The following CCSER1 variants were observed in gnomAD, a reference collection of about 807,000 sequenced individuals.
CCSER1 encodes the protein serine-rich coiled-coil domain-containing protein 1.
A neutral mutation model predicts 82.0 loss-of-function variants in CCSER1; 41 were observed. That is an observed-to-expected ratio of 0.50 (90% CI 0.39 to 0.65). CCSER1 has a LOEUF of 0.65. Ranked by LOEUF, CCSER1 falls within the 30% of genes least tolerant of loss-of-function variation. CCSER1 has a pLI of 0.00. For synonymous variants in CCSER1, 414 were observed against 383.9 expected, an observed-to-expected ratio of 1.08 and a Z score of -0.92; for missense variants, 1,119 against 1,064.2, an observed-to-expected ratio of 1.05 and a Z score of -0.72.
chr4:90,152,397 G>C (rs1052286795), intron 1 of CCSER1, among the ~76,000 whole-genome samples: 1 of 152,154 alleles, frequency 6.6e-6, no homozygotes, highest in Non-Finnish European at 1.5e-5. Context: ...GCCTAAGTGA[G>C]CCAAGGTTCA....
intron 10 of CCSER1, among the ~76,000 whole-genome samples, chr4:91,179,222 G>T (rs1581719415): frequency 1.3e-5 from 2 of 152,226 alleles, no homozygotes; most frequent in Admixed American, 1.3e-4. Context: ...TTTCTGTCTG[G>T]CTGCCCTTAA....
chr4:91,587,975 GAAGTT>G (rs141527578), intron 10 of CCSER1, among the ~76,000 whole-genome samples: 15,206 of 151,262 alleles, frequency 0.1, 769 homozygotes, highest in Middle Eastern at 0.16. Flanking sequence ...CAGTGAGCAA[GAAGTT>G]AAGATATTAA....
chr4:91,555,301 C>T (rs2110235919), intron 10 of CCSER1, among the ~76,000 whole-genome samples: 1 of 151,128 alleles, frequency 6.6e-6, no homozygotes, highest in South Asian at 2.1e-4. Context: ...TTTATTACTG[C>T]AGTTCAAAAA....
chr4:90,896,033 A>G (rs1309877962), intron 8 of CCSER1, among the ~76,000 whole-genome samples: 1 of 151,946 alleles, frequency 6.6e-6, no homozygotes, highest in Non-Finnish European at 1.5e-5. Context: ...GAAGGGCTAT[A>G]CTAAACACTG....
Position 90,411,241 on chromosome 4 carries a change from A to G in CCSER1, c.1603+11112A>G, listed in dbSNP as rs202129714. 2.9e-3 allele frequency among the ~76,000 whole-genome samples: 436 copies of G among 152,298 alleles called. 10 individuals carry two copies. The East Asian group carries it at 0.046, about 16-fold the overall frequency. The stretch of plus-strand genomic sequence containing the variant: ...TCCTTCTGAAACTATTCCAATCAAT[A>G]GAAAAAGAGGGAATCCTCCCTAACT... On this transcript the variant is annotated intron_variant, in intron 4 of 10. Coordinates refer to ENST00000509176, the MANE Select transcript of CCSER1 (RefSeq NM_001145065.2).
At chr4:90,346,916 A>G (rs1005419215) in intron 3 of CCSER1, among the ~76,000 whole-genome samples, 84 of 152,120 alleles carry the variant, frequency 5.5e-4, no homozygotes, top group Non-Finnish European at 2.8e-4. Context: ...ACAGTAGACA[A>G]CATATTTACT....
chr4:90,539,478 C>T lies in CCSER1; in HGVS notation c.1724+71124C>T, dbSNP rs573979986. ...TACCCTGTTGTAAGCTCTCATAAGACCAAATACTGCTCATTTTTAGCTCTT... is the reference window on the plus strand; with the variant it reads ...TACCCTGTTGTAAGCTCTCATAAGATCAAATACTGCTCATTTTTAGCTCTT... On this transcript the variant is annotated intron_variant, in intron 5 of 10. Coordinates refer to ENST00000509176, the MANE Select transcript of CCSER1 (RefSeq NM_001145065.2). Among the ~76,000 whole-genome samples, 11 of 152,098 alleles carry T rather than the reference C, an allele frequency of 7.2e-5. No homozygotes were observed. The South Asian group carries it at 8.3e-4, about 11-fold the overall frequency.
At chr4:90,274,190 T>C (rs1477469396) in intron 1 of CCSER1, among the ~76,000 whole-genome samples, 1 of 152,136 alleles carries the variant, frequency 6.6e-6, no homozygotes, top group African/African-American at 2.4e-5. Context: ...AGAATTTGTC[T>C]TGGGGTAGAG....
intron 10 of CCSER1, among the ~76,000 whole-genome samples, chr4:91,416,712 A>G (rs539600120): frequency 6.6e-6 from 1 of 152,312 alleles, no homozygotes; most frequent in African/African-American, 2.4e-5. Context: ...CTCAAAATGG[A>G]GTAAAGACTT....
At chr4:90,749,696 G>A (rs1387143461) in intron 7 of CCSER1, among the ~76,000 whole-genome samples, 1 of 152,022 alleles carries the variant, frequency 6.6e-6, no homozygotes, top group East Asian at 1.9e-4. Flanking sequence ...TATCATTGTT[G>A]GACATTTGGG....
At chr4:91,109,906 T>C (rs1725946881) in intron 10 of CCSER1, among the ~76,000 whole-genome samples, 1 of 152,148 alleles carries the variant, frequency 6.6e-6, no homozygotes, top group South Asian at 2.1e-4. Context: ...CAAAGACATC[T>C]ATGACACAAA....
chr4:90,409,524 C>G (rs1754333604), intron 4 of CCSER1, among the ~76,000 whole-genome samples: 1 of 152,120 alleles, frequency 6.6e-6, no homozygotes, highest in Non-Finnish European at 1.5e-5. Flanking sequence ...AATATCCAGC[C>G]AAACTAAGCT....
In CCSER1 at chr4:91,416,352, C is replaced by A. The variant is rs192542834; in HGVS notation, c.2218-182220C>A. Among the ~76,000 whole-genome samples, 22 of 151,882 alleles carry A rather than the reference C, an allele frequency of 1.4e-4. No homozygotes were observed. The East Asian group carries it at 4.3e-3, about 29-fold the overall frequency. On this transcript the variant is annotated intron_variant, in intron 10 of 10. Coordinates refer to ENST00000509176, the MANE Select transcript of CCSER1 (RefSeq NM_001145065.2). ...TCTTCACAGAATTAGAAAAAAAAAA[C>A]TATTTTAAAAATCAGATGGAACCAA...
chr4:91,137,044 G>T (rs1184779137), intron 10 of CCSER1, among the ~76,000 whole-genome samples: 1 of 149,358 alleles, frequency 6.7e-6, no homozygotes, highest in African/African-American at 2.5e-5. Flanking sequence ...AAGTTTTAGG[G>T]TACATGTGCA....
intron 9 of CCSER1, among the ~76,000 whole-genome samples, chr4:91,039,633 G>A (rs953065849): frequency 6.6e-6 from 1 of 151,944 alleles, no homozygotes; most frequent in African/African-American, 2.4e-5. Flanking sequence ...AAAAATGTAT[G>A]TGTGTTTATA....
intron 10 of CCSER1, among the ~76,000 whole-genome samples, chr4:91,486,271 G>T (rs1758212549): frequency 6.6e-6 from 1 of 151,926 alleles, no homozygotes; most frequent in Non-Finnish European, 1.5e-5. Flanking sequence ...CAGCTAGAAA[G>T]AGGGCATAAT....
intron 1 of CCSER1, among the ~76,000 whole-genome samples, chr4:90,165,497 A>G (rs1175698033): frequency 6.6e-6 from 1 of 151,996 alleles, no homozygotes; most frequent in East Asian, 1.9e-4. Flanking sequence ...AAGACATTAT[A>G]TCCTCTTTCA....
chr4:91,078,272 T>C (rs930021414), intron 9 of CCSER1, among the ~76,000 whole-genome samples: 3 of 151,828 alleles, frequency 2.0e-5, no homozygotes, highest in Non-Finnish European at 4.4e-5. Context: ...GCAGCAACAT[T>C]TGCTGTTCTG....
chr4:90,410,308 C>A (rs1754509793), intron 4 of CCSER1, among the ~76,000 whole-genome samples: 1 of 152,106 alleles, frequency 6.6e-6, no homozygotes, highest in Non-Finnish European at 1.5e-5. Context: ...AACTCTCCAC[C>A]CCAAATCAAC....
Sources: allele counts gnomAD v4.1 joint callset (sites outside exome capture counted in the v4.1 genomes callset), GRCh38; gene constraint gnomAD v4.1.1; transcripts MANE v1.5; gene names NCBI Gene and HGNC (gene_info 2026-07-23, HGNC 2026-07-21).